Variants in CAPS2 observed in about 807,000 individuals in gnomAD.
The protein encoded by CAPS2 is calcyphosin-2.
A neutral mutation model predicts 86.5 loss-of-function variants in CAPS2; 98 were observed. That is an observed-to-expected ratio of 1.13 (90% confidence interval 0.96 to 1.34). The LOEUF (loss-of-function observed/expected upper bound fraction) is 1.34, where lower values mean the gene tolerates loss of function less well. CAPS2 is among the 40% of genes most tolerant of loss of function. The pLI, the probability that CAPS2 is intolerant of heterozygous loss-of-function variation, is 0.00. For missense variants in CAPS2, 729 were observed against 686.8 expected (o/e 1.06, Z -0.69); for synonymous variants, 210 against 225.1 (o/e 0.93, Z 0.60).
intron 13 of CAPS2, among the ~76,000 whole-genome samples, chr12:75,291,538 G>T (rs1444566886): frequency 7.7e-5 from 2 of 26,138 alleles, no homozygotes; most frequent in South Asian, 1.5e-3. Flanking sequence ...ATTTTAAAAA[G>T]TATATATATA....
chr12:75,353,281 C>A (rs1397564949), intron 1 of CAPS2, among the ~76,000 whole-genome samples: 1 of 151,982 alleles, frequency 6.6e-6, no homozygotes, highest in African/African-American at 2.4e-5. Flanking sequence ...AGAGAAGAAT[C>A]AAATAGACAC....
At chr12:75,301,748 T>G (rs2037845929) in intron 8 of CAPS2, among the ~76,000 whole-genome samples, 1 of 152,108 alleles carries the variant, frequency 6.6e-6, no homozygotes, top group African/African-American at 2.4e-5. Context: ...ACTTTAACAG[T>G]GACAAATGGA....
intron 14 of CAPS2, among the ~76,000 whole-genome samples, chr12:75,287,148 A>G (rs989317515): frequency 9.2e-5 from 14 of 151,412 alleles, no homozygotes; most frequent in Non-Finnish European, 1.8e-4. Context: ...ACCAGTTCAT[A>G]ATTCCCATTG....
At chr12:75,297,772 G>C (rs554207238) in intron 11 of CAPS2, among the ~76,000 whole-genome samples, 21 of 152,266 alleles carry the variant, frequency 1.4e-4, no homozygotes, top group Non-Finnish European at 2.9e-4. Flanking sequence ...CTCCAAATAA[G>C]TCATGTGCTC....
At chr12:75,390,856 T>C (rs1374945994) in exon 1 of CAPS2, 3 of 667,494 alleles carry the variant, frequency 4.5e-6, no homozygotes, top group East Asian at 3.0e-5. Context: ...AGTCTTTCTT[T>C]AGTTTGTCAG....
At chr12:75,384,109 AG>A (rs1158954486) in intron 1 of CAPS2, among the ~76,000 whole-genome samples, 1 of 152,174 alleles carries the variant, frequency 6.6e-6, no homozygotes, top group Non-Finnish European at 1.5e-5. Context: ...GTTAGAAACT[AG>A]AAAAAAAAGA....
chr12:75,276,242 G>A, downstream of CAPS2: 1 of 1,542,506 alleles, frequency 6.5e-7, no homozygotes. Context: ...GTCCTTGCTG[G>A]TCAACCTAGT....
At chr12:75,356,496 A>T (rs895891768) in intron 1 of CAPS2, among the ~76,000 whole-genome samples, 2 of 152,232 alleles carry the variant, frequency 1.3e-5, no homozygotes, top group African/African-American at 4.8e-5. Context: ...TAAGTAAAAG[A>T]TGCACACTAT....
chr12:75,287,874 A>G (rs1312151185), intron 14 of CAPS2, among the ~76,000 whole-genome samples: 2 of 152,144 alleles, frequency 1.3e-5, no homozygotes, highest in Non-Finnish European at 2.9e-5. Flanking sequence ...CCGGTGCTCT[A>G]TGCAGAGTGT....
chr12:75,312,879 C>A, exon 7 of CAPS2: 1 of 1,607,124 alleles, frequency 6.2e-7, no homozygotes. Flanking sequence ...ACTTGCTCTG[C>A]AACAATCTGT....
chr12:75,325,886 G>C (rs2040732785), intron 1 of CAPS2, among the ~76,000 whole-genome samples: 1 of 152,054 alleles, frequency 6.6e-6, no homozygotes, highest in Non-Finnish European at 1.5e-5. Flanking sequence ...TGGGAAGACA[G>C]TGAAGGGTTT....
At chr12:75,389,079 T>C (rs1201061587) in intron 1 of CAPS2, among the ~76,000 whole-genome samples, 1 of 152,248 alleles carries the variant, frequency 6.6e-6, no homozygotes, top group African/African-American at 2.4e-5. Flanking sequence ...TTTTCTCAGT[T>C]GTTTTTCCAT....
chr12:75,282,351 A>G lies in CAPS2; in HGVS notation c.1516-4T>C. ...TGAAATCCAGTTTCATAAAGGCCTAAACAGACAAATATTATTATTATTAGT... is the reference window on the plus strand; with the variant it reads ...TGAAATCCAGTTTCATAAAGGCCTAGACAGACAAATATTATTATTATTAGT... On this transcript the variant is annotated splice_polypyrimidine_tract_variant and splice_region_variant and intron_variant, in intron 15 of 16. Transcript: ENST00000393284. The G allele has an allele frequency of 6.5e-7, 1 of 1,542,480 alleles. No individual in the cohort carries two copies. The highest frequency in any genetic ancestry group is 9.0e-7 in the Non-Finnish European group (1 of 1,115,124).
intron 1 of CAPS2, chr12:75,370,621 G>A (rs1227227298): frequency 6.6e-6 from 1 of 152,282 alleles, no homozygotes; most frequent in Non-Finnish European, 1.5e-5. Context: ...ATAATCAATG[G>A]TTGGGGAATA....
At chr12:75,299,751 A>C (rs61932923) in intron 9 of CAPS2, 86 bp downstream of exon 9, 122,015 of 614,124 alleles carry the variant, frequency 0.2, 13,577 homozygotes, top group South Asian at 0.36. Flanking sequence ...ACAAACCTAT[A>C]TAATCTCATT....
intron 7 of CAPS2, among the ~76,000 whole-genome samples, chr12:75,311,166 C>T (rs780887650): frequency 2.6e-5 from 4 of 151,994 alleles, no homozygotes; most frequent in East Asian, 1.9e-4. Context: ...TACGGGGTGC[C>T]GGGTTGAAAA....
chr12:75,338,727 A>G (rs753358267), intron 1 of CAPS2, among the ~76,000 whole-genome samples: 5 of 152,068 alleles, frequency 3.3e-5, no homozygotes, highest in African/African-American at 4.8e-5. Flanking sequence ...TCTATTAGCT[A>G]TTCTTCCTGA....
chr12:75,306,730 C>A (rs2038548967), intron 7 of CAPS2, among the ~76,000 whole-genome samples: 1 of 152,020 alleles, frequency 6.6e-6, no homozygotes, highest in Admixed American at 6.5e-5. Flanking sequence ...GAAGAACTCA[C>A]CAGCAAAGCT....
rs919454114 is a variant in CAPS2, at chr12:75,277,755, CTTA to C, written c.*1132_*1134del. 8.3e-5 allele frequency: 67 copies of C among 812,022 alleles called. 1 individual carries two copies. Among genetic ancestry groups the C allele is most frequent in the African/African-American group, 3.7e-5 (2 of 53,638 alleles). 50.3% of individuals were successfully genotyped at this position (812,022 alleles called of 1,614,324 possible). ...AAGTAAATATTTTCATTTTGAATCA[CTTA>C]TTTTTTCTAATTTATGTTATATTAA... On this transcript the variant is annotated 3_prime_UTR_variant, in exon 17 of 17. Transcript: ENST00000393284.
Sources: gnomAD v4.1 joint callset for allele counts (sites outside exome capture counted in the v4.1 genomes callset) on GRCh38, gnomAD v4.1.1 for gene constraint, MANE v1.5 for transcripts, NCBI Gene and HGNC (gene_info 2026-07-23, HGNC 2026-07-21) for gene names.